KLHDC8A: variants seen among roughly 807,000 people sequenced by gnomAD.
KLHDC8A encodes kelch domain containing 8A.
KLHDC8A carries 21 observed loss-of-function variants against 33.1 expected under a neutral mutation model. The ratio of observed to expected loss-of-function variants is 0.64; its 90% CI spans 0.45 to 0.91. The LOEUF (loss-of-function observed/expected upper bound fraction) is 0.91. Among genes scored for constraint, KLHDC8A ranks in the 40% least tolerant of loss-of-function variants. The pLI is 0.00. For missense variants in KLHDC8A, 435 were observed against 483.3 expected (o/e 0.90, Z 0.94); for synonymous variants, 173 against 193.5 (o/e 0.89, Z 0.88).
At chr1:205,356,352 A>G (rs1663273987) in intron 1 of KLHDC8A, among the ~76,000 whole-genome samples, 181 bp downstream of exon 1, 1 of 152,184 alleles carries the variant, frequency 6.6e-6, no homozygotes, top group Middle Eastern at 3.4e-3. Flanking sequence ...TTAACTTCAA[A>G]GCTAGAGAGG....
chr1:205,354,609 G>T (rs1204955787), intron 1 of KLHDC8A, among the ~76,000 whole-genome samples: 2 of 152,184 alleles, frequency 1.3e-5, no homozygotes, highest in Non-Finnish European at 2.9e-5. Flanking sequence ...AAGCTGCTGG[G>T]GGTAGGGTGG....
At chr1:205,340,733 C>T (rs1335508911) in intron 2 of KLHDC8A, among the ~76,000 whole-genome samples, 1 of 152,208 alleles carries the variant, frequency 6.6e-6, no homozygotes, top group African/African-American at 2.4e-5. Flanking sequence ...CCTTGGCCTC[C>T]CAAAGTGTTG....
intron 1 of KLHDC8A, among the ~76,000 whole-genome samples, chr1:205,349,973 C>T (rs1314758466): frequency 6.6e-6 from 1 of 152,172 alleles, no homozygotes; most frequent in African/African-American, 2.4e-5. Context: ...GGGTCCCTCC[C>T]AGCTGGAGTA....
intron 2 of KLHDC8A, among the ~76,000 whole-genome samples, chr1:205,342,286 C>G (rs1034583499): frequency 6.6e-6 from 1 of 152,224 alleles, no homozygotes; most frequent in African/African-American, 2.4e-5. Context: ...TGAAGATGTG[C>G]TCTTTCCCTC....
At chr1:205,349,155 T>G (rs1231085088) in intron 1 of KLHDC8A, among the ~76,000 whole-genome samples, 2 of 152,218 alleles carry the variant, frequency 1.3e-5, no homozygotes, top group Admixed American at 1.3e-4. Context: ...GGAGATGGTA[T>G]GACACAGTTG....
intron 1 of KLHDC8A, 93 bp from the exon 2 acceptor site, chr1:205,343,886 T>G: frequency 2.5e-6 from 1 of 406,094 alleles, no homozygotes; most frequent in Non-Finnish European, 4.4e-6. Flanking sequence ...TCAACTTCAC[T>G]GGGAAGACGC....
intron 1 of KLHDC8A, among the ~76,000 whole-genome samples, chr1:205,346,879 C>T (rs1662963261): frequency 6.6e-6 from 1 of 152,172 alleles, no homozygotes; most frequent in South Asian, 2.1e-4. Context: ...AGCGGCTGCC[C>T]ATACTGTTTG....
At chr1:205,353,336 C>T (rs187989741) in intron 1 of KLHDC8A, among the ~76,000 whole-genome samples, 173 of 152,252 alleles carry the variant, frequency 1.1e-3, no homozygotes, top group Admixed American at 2.8e-3. Context: ...GGAACACAGC[C>T]ACACTCACTC....
At chr1:205,351,846 G>C (rs12046870) in intron 1 of KLHDC8A, among the ~76,000 whole-genome samples, 54,822 of 151,636 alleles carry the variant, frequency 0.36, 10,155 homozygotes, top group East Asian at 0.48. Context: ...TTGAACCTGG[G>C]AGGTGGAGGT....
rs371072469 is a variant in KLHDC8A, at chr1:205,343,264, C to T, written c.341G>A (p.Arg114His). The change falls in exon 2 of 6, where the codon CGT (arginine) becomes CAT (histidine). Residue 114 changes from arginine to histidine, a missense_variant. Coordinates refer to ENST00000367155, the MANE Select transcript of KLHDC8A (RefSeq NM_018203.3). ...EGKWKKRSML[R>H]EAAMGISVTA... ...GACAGAAATGCCCATGGCGGCCTCACGCAGCATGCTCCTCTTCTTCCACTT... is the reference window on the plus strand; with the variant it reads ...GACAGAAATGCCCATGGCGGCCTCATGCAGCATGCTCCTCTTCTTCCACTT... 2 of 1,603,312 alleles carry T rather than the reference C, an allele frequency of 1.2e-6. No homozygotes were observed. The highest frequency in any genetic ancestry group is 8.5e-7 in the Non-Finnish European group (1 of 1,172,244).
chr1:205,343,321 T>G lies in KLHDC8A; in HGVS notation c.284A>C (p.Lys95Thr). 1 of 1,613,700 alleles carries G rather than the reference T, an allele frequency of 6.2e-7. No homozygotes were observed. The highest frequency in any genetic ancestry group is 1.1e-5 in the South Asian group (1 of 91,078). The change falls in exon 2 of 6, where the codon AAG becomes ACG. Residue 95 changes from lysine (K) to threonine (T), a missense_variant. Physicochemically the swap from Lys to Thr is moderately conservative, Grantham distance 78. Transcript: ENST00000367155. ...GGVGTNQLPL[K>T]VVEMYNIDEG... ...ATCGATGTTGTACATCTCCACGACC[T>G]TCAGGGGCAGCTGATTGGTGCCCAC... is the stretch of plus-strand genomic sequence containing the variant.
intron 1 of KLHDC8A, among the ~76,000 whole-genome samples, chr1:205,352,921 G>A (rs980656549): frequency 1.3e-5 from 2 of 152,230 alleles, no homozygotes; most frequent in African/African-American, 2.4e-5. Flanking sequence ...GCAAGAAACA[G>A]AGGGACAATT....
intron 2 of KLHDC8A, among the ~76,000 whole-genome samples, chr1:205,342,364 C>CA (rs1662815486): frequency 6.6e-6 from 1 of 152,216 alleles, no homozygotes; most frequent in Non-Finnish European, 1.5e-5. Context: ...CCCCACTGGC[C>CA]ATGCTGCCCT....
rs955026288 is a variant in KLHDC8A at position 205,336,071 on chromosome 1, T to C, written c.*1328A>G. ...AATTACACTATCACCTGATGAGTGA[T>C]ACCTGACTCCTCCAGAACCCTTCAG... On this transcript the variant is annotated 3_prime_UTR_variant, in exon 6 of 6. Coordinates refer to ENST00000367155, the MANE Select transcript of KLHDC8A (RefSeq NM_018203.3). 6.6e-6 allele frequency: 1 copy of C among 152,196 alleles called. No individual in the cohort carries two copies. The highest frequency in any genetic ancestry group is 1.5e-5 in the Non-Finnish European group (1 of 68,040). The allele number at this position is 152,196 out of a possible 1,614,324, so 9.4% of individuals were successfully genotyped here.
chr1:205,343,367 G>A lies in KLHDC8A; in HGVS notation c.238C>T (p.Arg80Trp), dbSNP rs200521826. The A allele has an allele frequency of 2.5e-6, 4 of 1,613,758 alleles. No individual in the cohort carries two copies. In the South Asian group the frequency reaches 3.3e-5, roughly 13 times the overall value. The change falls in exon 2 of 6, where the codon CGG (arginine) becomes TGG (tryptophan). Residue 80 changes from arginine (R) to tryptophan (W), a missense_variant. Coordinates refer to ENST00000367155, the MANE Select transcript of KLHDC8A (RefSeq NM_018203.3). ...CCCACGCCCCCAATCACCATGATCC[G>A]CTTCCCCAGGGCGGTGACGGCCACC... Reference protein sequence around the residue: ...AGVAVTALGKRIMVIGGVGTN... With the variant: ...AGVAVTALGKWIMVIGGVGTN...
In KLHDC8A at chr1:205,343,082, G is replaced by A. The variant is rs999139158; in HGVS notation, c.376+147C>T. 21 of 1,147,816 alleles carry A rather than the reference G, an allele frequency of 1.8e-5. No homozygotes were observed. In the South Asian group the frequency reaches 3.2e-4, roughly 18 times the overall value. The allele number at this position is 1,147,816 out of a possible 1,614,324, so 71.1% of individuals were successfully genotyped here. A position where few individuals can be genotyped will look rare whatever the true frequency, so the allele number is the denominator to read the frequency against. On this transcript the variant is annotated intron_variant, in intron 2 of 5. Coordinates refer to ENST00000367155, the MANE Select transcript of KLHDC8A (RefSeq NM_018203.3). The stretch of plus-strand genomic sequence containing the variant: ...GGGCTGGGGTGTGGCGGCGGGAGGT[G>A]CAGGCATTTTGCTGAACGCATGGGG...
rs149498417 is a variant in KLHDC8A, at chr1:205,339,668, G to C, written c.517C>G (p.Arg173Gly). ...CCCAGCACGTAGATCTTGGAGCCTCGGAGGAAGGAGGTGGCAGCATATCTC... is the reference window on the plus strand; with the variant it reads ...CCCAGCACGTAGATCTTGGAGCCTCCGAGGAAGGAGGTGGCAGCATATCTC... ...TPRYAATSFL[R>G]GSKIYVLGGR... The change falls in exon 3 of 6, where the codon CGA becomes GGA. Residue 173 changes from arginine to glycine, a missense_variant. Transcript: ENST00000367155. The surrounding 1 kb of genome is among the most constrained non-coding windows in gnomAD (Gnocchi z 5.1). The C allele has an allele frequency of 1.5e-5, 24 of 1,614,136 alleles. No homozygotes were observed. Among genetic ancestry groups the C allele is most frequent in the Non-Finnish European group, 2.0e-5 (24 of 1,180,026 alleles).
chr1:205,352,885 G>A (rs1200270886), intron 1 of KLHDC8A, among the ~76,000 whole-genome samples: 2 of 152,220 alleles, frequency 1.3e-5, no homozygotes, highest in East Asian at 3.9e-4. Flanking sequence ...CCCAGGAGCT[G>A]CCAGTCCATC....
Position 205,339,889 on chromosome 1 carries a change from T to G in KLHDC8A, c.377-81A>C. On this transcript the variant is annotated intron_variant, in intron 2 of 5. Coordinates refer to ENST00000367155, the MANE Select transcript of KLHDC8A (RefSeq NM_018203.3). The surrounding 1 kb of genome is among the most constrained non-coding windows in gnomAD (Gnocchi z 5.1). Reference sequence around the variant, plus strand: ...GCCCACCAGCATCTATTGCCTCCCATGGCCAGGCCAAGCTTTCAACCACTG... The same window carrying G: ...GCCCACCAGCATCTATTGCCTCCCAGGGCCAGGCCAAGCTTTCAACCACTG... 7.3e-7 allele frequency: 1 copy of G among 1,364,998 alleles called. No individual in the cohort carries two copies. The allele number at this position is 1,364,998 out of a possible 1,614,324, so 84.6% of individuals were successfully genotyped here.
Sources: gnomAD v4.1 joint callset for allele counts (sites outside exome capture counted in the v4.1 genomes callset) on GRCh38, gnomAD v4.1.1 for gene constraint, Gnocchi (gnomAD v3.1) non-coding constraint, MANE v1.5 for transcripts, NCBI Gene and HGNC (gene_info 2026-07-23, HGNC 2026-07-21) for gene names.